Variants in SLC9A9 observed in about 807,000 individuals in gnomAD.
SLC9A9 encodes the protein solute carrier family 9 member A9.
Under a neutral mutation model 77.8 loss-of-function variants are expected in SLC9A9, and 62 were observed. The observed-to-expected ratio is 0.80, with a 90% CI of 0.65 to 0.98. The LOEUF (loss-of-function observed/expected upper bound fraction) is 0.98, where lower values mean the gene tolerates loss of function less well. Ranked by LOEUF, SLC9A9 falls within the 50% of genes least tolerant of loss-of-function variation. SLC9A9 has a pLI of 0.00. For missense variants in SLC9A9, 775 were observed against 774.9 expected (o/e 1.00, Z 0.00); for synonymous variants, 320 against 283.5 (o/e 1.13, Z -1.29).
At chr3:143,560,258 TGAG>T (rs1043879081) in intron 8 of SLC9A9, among the ~76,000 whole-genome samples, 1 of 152,218 alleles carries the variant, frequency 6.6e-6, no homozygotes, top group Non-Finnish European at 1.5e-5. Context: ...GACCACACTT[TGAG>T]GAGCAAGTCT....
At chr3:143,414,644 T>C (rs1277719306) in intron 12 of SLC9A9, among the ~76,000 whole-genome samples, 4 of 152,294 alleles carry the variant, frequency 2.6e-5, no homozygotes, top group African/African-American at 9.6e-5. Context: ...ACTTAATGGA[T>C]AAATGTGTGT....
chr3:143,463,819 A>T (rs1387432430), intron 12 of SLC9A9, among the ~76,000 whole-genome samples: 3 of 152,208 alleles, frequency 2.0e-5, no homozygotes, highest in Non-Finnish European at 1.5e-5. Flanking sequence ...ACAAGACTCA[A>T]TCAATGGAAA....
At chr3:143,819,037 G>A (rs1350431220) in intron 2 of SLC9A9, among the ~76,000 whole-genome samples, 2 of 152,054 alleles carry the variant, frequency 1.3e-5, no homozygotes, top group Admixed American at 6.6e-5. Context: ...AGCCAAGATC[G>A]CACCGTTGCA....
chr3:143,325,623 C>T (rs2031570680), intron 14 of SLC9A9, among the ~76,000 whole-genome samples: 1 of 152,176 alleles, frequency 6.6e-6, no homozygotes, highest in Non-Finnish European at 1.5e-5. Flanking sequence ...ATAGGAGAAA[C>T]TGACAGCCAG....
chr3:143,764,767 G>A (rs927707625), intron 4 of SLC9A9, among the ~76,000 whole-genome samples: 10 of 151,760 alleles, frequency 6.6e-5, no homozygotes, highest in South Asian at 2.1e-4. Flanking sequence ...TGTAAAGATC[G>A]GGTCTCACTA....
intron 9 of SLC9A9, among the ~76,000 whole-genome samples, chr3:143,537,809 G>A (rs558679455): frequency 4.6e-5 from 7 of 152,308 alleles, no homozygotes; most frequent in South Asian, 4.1e-4. Context: ...CAGCAGGCAG[G>A]TGGGTTGGGA....
At position 143,332,042 on chromosome 3, in the gene SLC9A9, GA is replaced by G. The variant is rs764908923; in HGVS notation, c.1604+31441del. Among the ~76,000 whole-genome samples the G allele has an allele frequency of 1.2e-3, 179 of 152,234 alleles. 2 individuals are homozygous for G. The highest frequency in any genetic ancestry group is 1.0e-3 in the Non-Finnish European group (69 of 68,022). On this transcript the variant is annotated intron_variant, in intron 14 of 15. Transcript: ENST00000316549. Reference sequence around the variant, plus strand: ...CATGGAGTTAAGGTTTCATGCTTGGGAGGAAAAATAAGAAAATAAGAAATAG... The same window carrying G: ...CATGGAGTTAAGGTTTCATGCTTGGGGGAAAAATAAGAAAATAAGAAATAG...
intron 9 of SLC9A9, among the ~76,000 whole-genome samples, chr3:143,531,988 T>C (rs2108622170): frequency 6.6e-6 from 1 of 152,344 alleles, no homozygotes; most frequent in African/African-American, 2.4e-5. Context: ...ACTGATTGAA[T>C]GCAGAAGCAA....
At chr3:143,608,342 C>T (rs2037961924) in intron 6 of SLC9A9, among the ~76,000 whole-genome samples, 1 of 152,146 alleles carries the variant, frequency 6.6e-6, no homozygotes, top group African/African-American at 2.4e-5. Context: ...GGTGTTTTCC[C>T]CTTCCCAAAA....
intron 14 of SLC9A9, among the ~76,000 whole-genome samples, chr3:143,304,875 C>G (rs1182694794): frequency 6.6e-6 from 1 of 152,202 alleles, no homozygotes; most frequent in Non-Finnish European, 1.5e-5. Context: ...AGCACCACCA[C>G]CCTTAGGGCT....
chr3:143,509,808 A>C (rs906192748), intron 9 of SLC9A9, among the ~76,000 whole-genome samples: 1 of 152,194 alleles, frequency 6.6e-6, no homozygotes, highest in South Asian at 2.1e-4. Context: ...TATATGGAGA[A>C]AGACTGTACT....
intron 5 of SLC9A9, among the ~76,000 whole-genome samples, chr3:143,669,849 A>G (rs1413739391): frequency 1.3e-5 from 2 of 152,170 alleles, no homozygotes; most frequent in African/African-American, 2.4e-5. Flanking sequence ...GAGAATAATT[A>G]ATTGGAGTTA....
intron 1 of SLC9A9, among the ~76,000 whole-genome samples, chr3:143,843,810 G>A (rs929118447): frequency 6.6e-6 from 1 of 152,156 alleles, no homozygotes; most frequent in African/African-American, 2.4e-5. Context: ...CTAAGTGAGT[G>A]GTACTAAGTG....
intron 14 of SLC9A9, among the ~76,000 whole-genome samples, chr3:143,291,663 C>T (rs1441835104): frequency 1.3e-5 from 2 of 152,220 alleles, no homozygotes; most frequent in Non-Finnish European, 1.5e-5. Context: ...ACAATCAGAA[C>T]TTAAATCCAG....
intron 12 of SLC9A9, among the ~76,000 whole-genome samples, chr3:143,458,349 C>CAT (rs2035130240): frequency 6.6e-6 from 1 of 152,058 alleles, no homozygotes; most frequent in Non-Finnish European, 1.5e-5. Flanking sequence ...TTATAGACAG[C>CAT]ATATAGCTGA....
intron 12 of SLC9A9, among the ~76,000 whole-genome samples, chr3:143,394,737 A>G (rs2033683817): frequency 6.6e-6 from 1 of 152,258 alleles, no homozygotes; most frequent in Non-Finnish European, 1.5e-5. Flanking sequence ...TTAAGCTGAT[A>G]GGCAACTTCA....
rs2038814221 is a variant in SLC9A9, at chr3:143,652,483, A to G, written c.650-123T>C. On this transcript the variant is annotated intron_variant, in intron 5 of 15. Coordinates refer to ENST00000316549, the MANE Select transcript of SLC9A9 (RefSeq NM_173653.4). ...TCTTCTCAAATCCAATGACTATACTAACACCAGACCTTTATTCAAAAAATA... is the reference window on the plus strand; with the variant it reads ...TCTTCTCAAATCCAATGACTATACTGACACCAGACCTTTATTCAAAAAATA... 3 of 755,256 alleles carry G rather than the reference A, an allele frequency of 4.0e-6. No individual in the cohort carries two copies. In the South Asian group the frequency reaches 4.5e-5, roughly 11 times the overall value. 46.8% of individuals were successfully genotyped at this position (755,256 alleles called of 1,614,324 possible). A position where few individuals can be genotyped will look rare whatever the true frequency, so the allele number is the denominator to read the frequency against.
At chr3:143,845,918 T>C (rs975424405) in intron 1 of SLC9A9, among the ~76,000 whole-genome samples, 1 of 152,216 alleles carries the variant, frequency 6.6e-6, no homozygotes, top group African/African-American at 2.4e-5. Context: ...GAAAGAAGAA[T>C]AGGAATCAGA....
At chr3:143,511,964 CAAACTGAATACTCCAAAA>C (rs2036122880) in intron 9 of SLC9A9, among the ~76,000 whole-genome samples, 1 of 152,140 alleles carries the variant, frequency 6.6e-6, no homozygotes, top group Admixed American at 6.5e-5. Context: ...TGTGGTAAAT[CAAACTGAATACTCCAAAA>C]AAAGGGTAAA....
Sources: allele counts gnomAD v4.1 joint callset (sites outside exome capture counted in the v4.1 genomes callset), GRCh38; gene constraint gnomAD v4.1.1; transcripts MANE v1.5; gene names NCBI Gene and HGNC (gene_info 2026-07-23, HGNC 2026-07-21).